The following INPP5A variants were observed in gnomAD, a reference collection of about 807,000 sequenced individuals.
INPP5A encodes 43 kDa inositol polyphosphate 5-phophatase.
Under a neutral mutation model 65.2 loss-of-function variants are expected in INPP5A, and 14 were observed. That is an observed-to-expected ratio of 0.21 (90% CI 0.14 to 0.34). The LOEUF (loss-of-function observed/expected upper bound fraction) is 0.34. Ranked by LOEUF, INPP5A falls within the 10% of genes least tolerant of loss-of-function variation. INPP5A has a pLI of 1.00. For synonymous variants in INPP5A, 207 were observed against 208.3 expected, an observed-to-expected ratio of 0.99 and a Z score of 0.05; for missense variants, 431 against 545.6, an observed-to-expected ratio of 0.79 and a Z score of 2.09.
chr10:132,683,835 C>G (rs1350567440), intron 4 of INPP5A, among the ~76,000 whole-genome samples: 1 of 152,218 alleles, frequency 6.6e-6, no homozygotes, highest in Non-Finnish European at 1.5e-5. Flanking sequence ...CTGCCTCAGC[C>G]TCCCAAGTAG....
intron 12 of INPP5A, among the ~76,000 whole-genome samples, chr10:132,769,781 G>A (rs979540752): frequency 2.0e-5 from 3 of 150,920 alleles, no homozygotes; most frequent in African/African-American, 7.3e-5. Context: ...CAGCAGCCCT[G>A]CAGCCCCCAC....
At chr10:132,613,251 ACAGGACCCCCTCCTTCCCGAGTCCCCCCG>A (rs1455977425) in intron 2 of INPP5A, among the ~76,000 whole-genome samples, 3,504 of 151,798 alleles carry the variant, frequency 0.023, 49 homozygotes, top group South Asian at 0.038. Context: ...GCCACGGCCC[ACAGGACCCCCTCCTTCCCGAGTCCCCCCG>A]CAGGGCCCCC....
intron 4 of INPP5A, among the ~76,000 whole-genome samples, chr10:132,664,101 G>A (rs530989237): frequency 6.6e-6 from 1 of 152,204 alleles, no homozygotes; most frequent in South Asian, 2.1e-4. Context: ...TAAAGAAATA[G>A]CCATGGTTGA....
rs2072770192 is a variant in INPP5A at position 132,663,924 on chromosome 10, T to A, written c.306+13419T>A. ...GCCAAGGTGCCTCGTGGGCAGCCGA[T>A]CCATCAGGCGGCCGACAGGCGTGAT... On this transcript the variant is annotated intron_variant, in intron 4 of 15. Coordinates refer to ENST00000368594, the MANE Select transcript of INPP5A (RefSeq NM_005539.5). The surrounding 1 kb of genome is among the most constrained non-coding windows in gnomAD (Gnocchi z 4.5). 1.3e-5 allele frequency among the ~76,000 whole-genome samples: 2 copies of A among 152,228 alleles called. No individual in the cohort carries two copies. Among genetic ancestry groups the A allele is most frequent in the South Asian group, 4.1e-4 (2 of 4,836 alleles).
Position 132,538,529 on chromosome 10 carries a change from T to G in INPP5A, c.75+358T>G, listed in dbSNP as rs2070870678. Among the ~76,000 whole-genome samples the G allele has an allele frequency of 6.6e-6, 1 of 151,998 alleles. No individual in the cohort carries two copies. Among genetic ancestry groups the G allele is most frequent in the Non-Finnish European group, 1.5e-5 (1 of 68,000 alleles). ...ACCCTGTCAGAACCCCTGTTAACAGTTCCTGGAACCCAAACCCCAGAAACC... is the reference window on the plus strand; with the variant it reads ...ACCCTGTCAGAACCCCTGTTAACAGGTCCTGGAACCCAAACCCCAGAAACC... On this transcript the variant is annotated intron_variant, in intron 1 of 15. Transcript: ENST00000368594. This position sits in a 1 kb window ranked among gnomAD's most constrained non-coding sequence, Gnocchi z 4.1.
intron 2 of INPP5A, among the ~76,000 whole-genome samples, chr10:132,614,614 T>C (rs77222434): frequency 0.023 from 3,542 of 152,318 alleles, 50 homozygotes; most frequent in South Asian, 0.039. Context: ...GAATCTTCTC[T>C]ATGTCAGGAG....
chr10:132,729,057 G>A (rs964566135), intron 9 of INPP5A, among the ~76,000 whole-genome samples: 2 of 152,120 alleles, frequency 1.3e-5, no homozygotes, highest in Non-Finnish European at 2.9e-5. Context: ...TGGGGCTTGC[G>A]TGGCCGCTGT....
chr10:132,707,185 C>A lies in INPP5A; in HGVS notation c.475-1128C>A, dbSNP rs551602294. 1.3e-5 allele frequency among the ~76,000 whole-genome samples: 2 copies of A among 152,348 alleles called. No individual in the cohort carries two copies. Among genetic ancestry groups the A allele is most frequent in the South Asian group, 4.1e-4 (2 of 4,828 alleles). ...AGACCTTAGGGTGTGGTGGAGGAGA[C>A]AGGGTCTTCCCTGTCCTGCTTTCCT... On this transcript the variant is annotated intron_variant, in intron 6 of 15. Coordinates refer to ENST00000368594, the MANE Select transcript of INPP5A (RefSeq NM_005539.5). The surrounding 1 kb of genome is among the most constrained non-coding windows in gnomAD (Gnocchi z 5.5).
intron 2 of INPP5A, among the ~76,000 whole-genome samples, chr10:132,625,691 C>T (rs2072173166): frequency 6.6e-6 from 1 of 152,166 alleles, no homozygotes; most frequent in African/African-American, 2.4e-5. Context: ...CCCTGTGACT[C>T]TCAGTTCCTT....
intron 8 of INPP5A, among the ~76,000 whole-genome samples, chr10:132,711,460 C>G (rs1190153381): frequency 6.8e-6 from 1 of 147,952 alleles, no homozygotes; most frequent in Non-Finnish European, 1.5e-5. Flanking sequence ...GCTCCGTCAG[C>G]TTGGGCTTGC....
At position 132,782,979 on chromosome 10, in the gene INPP5A, TATC is replaced by T. The variant is rs1341793617; in HGVS notation, c.*953_*955del. ...CAAGTATCCTACGTTACAACAATAA[TATC>T]ATGGGAGAAATAGAAATAGCCTAGT... On this transcript the variant is annotated 3_prime_UTR_variant, in exon 16 of 16. Coordinates refer to ENST00000368594, the MANE Select transcript of INPP5A (RefSeq NM_005539.5). This position sits in a 1 kb window ranked among gnomAD's most constrained non-coding sequence, Gnocchi z 4.4. The T allele has an allele frequency of 1.2e-4, 18 of 152,452 alleles. No homozygotes were observed. Among genetic ancestry groups the T allele is most frequent in the African/African-American group, 2.4e-4 (10 of 41,460 alleles). The allele number at this position is 152,452 out of a possible 1,614,324, so 9.4% of individuals were successfully genotyped here.
chr10:132,773,700 C>T (rs961764281), intron 12 of INPP5A, among the ~76,000 whole-genome samples: 6 of 152,162 alleles, frequency 3.9e-5, no homozygotes, highest in African/African-American at 9.7e-5. Flanking sequence ...GTGAGGGAAC[C>T]CGTCCCACAG....
chr10:132,647,575 A>G (rs2072514543), intron 3 of INPP5A, among the ~76,000 whole-genome samples: 1 of 152,264 alleles, frequency 6.6e-6, no homozygotes, highest in Non-Finnish European at 1.5e-5. Flanking sequence ...CCCAAGGCTC[A>G]TTCCGAAGAA....
At position 132,592,320 on chromosome 10, in the gene INPP5A, T is replaced by C. The variant is rs1048493773; in HGVS notation, c.76-15595T>C. 5.2e-5 allele frequency among the ~76,000 whole-genome samples: 8 copies of C among 152,384 alleles called. No individual in the cohort carries two copies. In the East Asian group the frequency reaches 1.3e-3, roughly 26 times the overall value. ...TACAGTTTAACAATCCATTGTAAGA[T>C]AGTTTGTTAACTATTCGGGGAAAGG... On this transcript the variant is annotated intron_variant, in intron 1 of 15. Coordinates refer to ENST00000368594, the MANE Select transcript of INPP5A (RefSeq NM_005539.5).
Position 132,707,270 on chromosome 10 carries a change from C to A in INPP5A, c.475-1043C>A, listed in dbSNP as rs1327442003. ...CCCTGTCCACCTCCGCCCCCGATGG[C>A]GCCAGGCATATGGCTGCTGCTGGGA... On this transcript the variant is annotated intron_variant, in intron 6 of 15. Transcript: ENST00000368594. This position sits in a 1 kb window ranked among gnomAD's most constrained non-coding sequence, Gnocchi z 5.5. Among the ~76,000 whole-genome samples, 1 of 152,194 alleles carries A rather than the reference C, an allele frequency of 6.6e-6. No homozygotes were observed.
At chr10:132,602,949 C>T (rs1304574595) in intron 1 of INPP5A, among the ~76,000 whole-genome samples, 2 of 152,178 alleles carry the variant, frequency 1.3e-5, no homozygotes, top group African/African-American at 4.8e-5. Context: ...ATTTTCTCTC[C>T]TGATTCCTTT....
At position 132,715,673 on chromosome 10, in the gene INPP5A, T is replaced by C. The variant is rs139032442; in HGVS notation, c.647+5217T>C. The stretch of plus-strand genomic sequence containing the variant: ...TGTGCAGCCAGTAAAGAAAAGCTGC[T>C]GCGTCTCCAGGCAAAGGCAAACTCG... On this transcript the variant is annotated intron_variant, in intron 8 of 15. Transcript: ENST00000368594. 1.9e-3 allele frequency among the ~76,000 whole-genome samples: 292 copies of C among 152,366 alleles called. 4 individuals carry two copies. The highest frequency in any genetic ancestry group is 6.8e-3 in the African/African-American group (282 of 41,592).
At chr10:132,764,925 T>G (rs1846813425) in intron 11 of INPP5A, among the ~76,000 whole-genome samples, 1 of 138,342 alleles carries the variant, frequency 7.2e-6, no homozygotes. Flanking sequence ...CCTGCAGGGG[T>G]GGGAGGGTGT....
intron 1 of INPP5A, among the ~76,000 whole-genome samples, chr10:132,598,106 G>A (rs1220291250): frequency 6.6e-6 from 1 of 152,244 alleles, no homozygotes; most frequent in East Asian, 1.9e-4. Context: ...TACTGCTAGG[G>A]TCAGAACTTT....
Sources: gnomAD v4.1 joint callset for allele counts (sites outside exome capture counted in the v4.1 genomes callset) on GRCh38, gnomAD v4.1.1 for gene constraint, Gnocchi (gnomAD v3.1) non-coding constraint, MANE v1.5 for transcripts, NCBI Gene and HGNC (gene_info 2026-07-23, HGNC 2026-07-21) for gene names.